Variants in PRIM2 observed in about 807,000 individuals in gnomAD.
The protein encoded by PRIM2 is DNA primase subunit 2.
In PRIM2, 39 loss-of-function variants were observed where a neutral mutation model predicts 67.3. The ratio of observed to expected loss-of-function variants is 0.58; its 90% confidence interval spans 0.45 to 0.76. The LOEUF (loss-of-function observed/expected upper bound fraction) is 0.76. Among genes scored for constraint, PRIM2 ranks in the 30% least tolerant of loss-of-function variants. PRIM2 has a pLI of 0.00. For synonymous variants in PRIM2, 143 were observed against 198.7 expected (o/e 0.72, Z 2.36); for missense variants, 398 against 598.7 (o/e 0.66, Z 3.50).
the PRIM2 span, among the ~76,000 whole-genome samples, chr6:57,293,511 A>C: frequency 6.6e-6 from 1 of 152,244 alleles, no homozygotes; most frequent in Non-Finnish European, 1.5e-5. Flanking sequence ...ATTATAAATC[A>C]TTCTAATATA....
intron 10 of PRIM2, among the ~76,000 whole-genome samples, chr6:57,539,525 C>T (rs1233007802): frequency 1.3e-5 from 2 of 150,078 alleles, no homozygotes; most frequent in Non-Finnish European, 2.9e-5. Flanking sequence ...AGCTAATATC[C>T]TGTGGACATA....
chr6:57,628,896 C>T (rs1164574742), intron 12 of PRIM2, among the ~76,000 whole-genome samples: 3 of 152,252 alleles, frequency 2.0e-5, no homozygotes, highest in East Asian at 3.9e-4. Context: ...TTCTGTTTCA[C>T]GCAGTGTACC....
the PRIM2 span, among the ~76,000 whole-genome samples, chr6:57,306,650 TCCGC>T: frequency 6.6e-6 from 1 of 152,108 alleles, no homozygotes; most frequent in African/African-American, 2.4e-5. Context: ...CCATCAGCAG[TCCGC>T]GTCCTGAAAC....
intron 11 of PRIM2, among the ~76,000 whole-genome samples, chr6:57,601,519 G>A (rs1287019595): frequency 3.9e-5 from 6 of 152,158 alleles, no homozygotes; most frequent in Non-Finnish European, 7.3e-5. Flanking sequence ...AGTGTTCTGC[G>A]AGTGTCTTAG....
intron 10 of PRIM2, among the ~76,000 whole-genome samples, chr6:57,578,699 C>T (rs1776008029): frequency 8.2e-6 from 1 of 122,094 alleles, no homozygotes; most frequent in Non-Finnish European, 1.6e-5. Flanking sequence ...TTTTTTGAGA[C>T]GGAGTCTCGC....
intron 8 of PRIM2, among the ~76,000 whole-genome samples, chr6:57,510,947 C>G (rs1423158412): frequency 6.6e-6 from 1 of 151,708 alleles, no homozygotes. Context: ...TACCTAGAGG[C>G]GGATGGACAT....
At chr6:57,311,608 C>T (rs1422023151), upstream of PRIM2, among the ~76,000 whole-genome samples, 1 of 152,206 alleles carries the variant, frequency 6.6e-6, no homozygotes, top group African/African-American at 2.4e-5. Context: ...AGAGACGCTG[C>T]TCACTTCCTA....
rs867447337 is a variant in PRIM2, at chr6:57,426,076, G to A, written c.693+43908G>A. Among the ~76,000 whole-genome samples the A allele has an allele frequency of 6.0e-4, 91 of 152,096 alleles. No individual in the cohort carries two copies. In the Middle Eastern group the frequency reaches 0.01, roughly 17 times the overall value. On this transcript the variant is annotated intron_variant, in intron 7 of 13. Coordinates refer to ENST00000615550, the MANE Select transcript of PRIM2 (RefSeq NM_000947.5). ...TTGAAGATGGAAAGTAACTCATGTC[G>A]TGTCTACTCATATATACTTTACATA...
At chr6:57,489,294 C>A (rs1234314654) in intron 7 of PRIM2, among the ~76,000 whole-genome samples, 1 of 128,898 alleles carries the variant, frequency 7.8e-6, no homozygotes, top group Non-Finnish European at 1.7e-5. Flanking sequence ...CAGTGGCTTA[C>A]GCCTGTAATC....
chr6:57,398,180 G>A lies in PRIM2; in HGVS notation c.693+16012G>A, dbSNP rs372420690. Among the ~76,000 whole-genome samples, 7 of 152,014 alleles carry A rather than the reference G, an allele frequency of 4.6e-5. No homozygotes were observed. In the East Asian group the frequency reaches 9.7e-4, roughly 21 times the overall value. On this transcript the variant is annotated intron_variant, in intron 7 of 13. Transcript: ENST00000615550. ...TCACCGTGTTGGCCAGGATGGTCTC[G>A]ATCTCTTGACCTCATGATCTGCTTG...
chr6:57,439,433 T>G (rs1168273955), intron 7 of PRIM2, among the ~76,000 whole-genome samples: 24 of 100,526 alleles, frequency 2.4e-4, no homozygotes, highest in African/African-American at 8.7e-4. Flanking sequence ...TTTTTTTTTT[T>G]GAGACAGAGT....
chr6:57,426,684 T>C (rs565062385), intron 7 of PRIM2, among the ~76,000 whole-genome samples: 160 of 152,326 alleles, frequency 1.1e-3, no homozygotes, highest in African/African-American at 3.7e-3. Context: ...ACATAAGACT[T>C]GTTCATGATT....
At chr6:57,385,898 A>G (rs4342413) in intron 7 of PRIM2, among the ~76,000 whole-genome samples, 33 of 144,122 alleles carry the variant, frequency 2.3e-4, no homozygotes, top group Admixed American at 4.2e-4. Flanking sequence ...ATCAAAATTT[A>G]TCCATTCTAT....
chr6:57,481,770 CTGTTTT>C (rs1773634814), intron 7 of PRIM2, among the ~76,000 whole-genome samples: 2 of 152,140 alleles, frequency 1.3e-5, no homozygotes, highest in African/African-American at 4.8e-5. Context: ...GGTGTCATCA[CTGTTTT>C]ATTTTTGCTC....
intron 5 of PRIM2, among the ~76,000 whole-genome samples, chr6:57,367,107 T>C (rs1769387249): frequency 6.6e-6 from 1 of 152,156 alleles, no homozygotes; most frequent in Admixed American, 6.6e-5. Context: ...TTGACAGTAT[T>C]ACTGAGACAT....
chr6:57,456,313 C>G (rs1314957867), intron 7 of PRIM2, among the ~76,000 whole-genome samples: 1 of 152,098 alleles, frequency 6.6e-6, no homozygotes, highest in East Asian at 1.9e-4. Flanking sequence ...TCTGTGTTTC[C>G]TGAATTTGAA....
chr6:57,565,643 A>G (rs1775722186), intron 10 of PRIM2, among the ~76,000 whole-genome samples: 1 of 152,198 alleles, frequency 6.6e-6, no homozygotes, highest in Non-Finnish European at 1.5e-5. Context: ...AGTCTTCTTT[A>G]CAGAGCCTAC....
the PRIM2 span, among the ~76,000 whole-genome samples, chr6:57,307,735 C>T: frequency 6.6e-6 from 1 of 152,136 alleles, no homozygotes; most frequent in African/African-American, 2.4e-5. Context: ...TTGAGAGAAG[C>T]AATGACAGGT....
chr6:57,408,746 C>G (rs1387885219), intron 7 of PRIM2, among the ~76,000 whole-genome samples: 1 of 152,168 alleles, frequency 6.6e-6, no homozygotes, highest in Admixed American at 6.5e-5. Flanking sequence ...GGGTCTTACT[C>G]TGTCACCCAA....
Sources: gnomAD v4.1 joint callset for allele counts (sites outside exome capture counted in the v4.1 genomes callset) on GRCh38, gnomAD v4.1.1 for gene constraint, MANE v1.5 for transcripts, NCBI Gene and HGNC (gene_info 2026-07-23, HGNC 2026-07-21) for gene names.